PCDH9: variants seen among roughly 807,000 people sequenced by gnomAD.
PCDH9 encodes the protein protocadherin 9.
PCDH9 carries 24 observed loss-of-function variants against 70.6 expected under a neutral mutation model. The ratio of observed to expected loss-of-function variants is 0.34; its 90% CI spans 0.25 to 0.48. The LOEUF (loss-of-function observed/expected upper bound fraction) is 0.48. PCDH9 is among the 20% of genes least tolerant of loss of function. PCDH9 has a pLI of 0.99. For synonymous variants in PCDH9, 562 were observed against 558.5 expected, an observed-to-expected ratio of 1.01 and a Z score of -0.09; for missense variants, 1,281 against 1,503.6, an observed-to-expected ratio of 0.85 and a Z score of 2.45.
rs566526541 is a variant in PCDH9, at chr13:67,186,109, A to C, written c.3036+39296T>G. Among the ~76,000 whole-genome samples, 150 of 152,230 alleles carry C rather than the reference A, an allele frequency of 9.9e-4. 1 individual carries two copies. The highest frequency in any genetic ancestry group is 1.6e-3 in the Admixed American group (24 of 15,282). On this transcript the variant is annotated intron_variant, in intron 2 of 4. Coordinates refer to ENST00000377865, the MANE Select transcript of PCDH9 (RefSeq NM_203487.3). Reference sequence around the variant, plus strand: ...CTGGTGTAAAATATTTATATATATAAATATAAAGAGGTTACCAATCAATAT... The same window carrying C: ...CTGGTGTAAAATATTTATATATATACATATAAAGAGGTTACCAATCAATAT...
intron 2 of PCDH9, among the ~76,000 whole-genome samples, chr13:67,022,106 CTTTTTTTTTTTTTTTTTTTTTTTTTTTTT>C (rs71110623): frequency 5.7e-5 from 2 of 35,370 alleles, no homozygotes; most frequent in South Asian, 2.4e-3. Flanking sequence ...AGGTGATGTT[CTTTTTTTTTTTTTTTTTTTTTTTTTTTTT>C]TTTTTTTTTT....
chr13:67,160,623 A>G (rs1355236942), intron 2 of PCDH9, among the ~76,000 whole-genome samples: 1 of 152,128 alleles, frequency 6.6e-6, no homozygotes, highest in Admixed American at 6.5e-5. Context: ...CCATGATTCA[A>G]GACAACATGC....
chr13:66,443,112 C>T (rs996636484), intron 4 of PCDH9, among the ~76,000 whole-genome samples: 2 of 152,122 alleles, frequency 1.3e-5, no homozygotes, highest in Non-Finnish European at 2.9e-5. Context: ...CTAAAACAGA[C>T]AGAAAATGTA....
At chr13:66,619,856 A>G (rs952429130) in intron 4 of PCDH9, among the ~76,000 whole-genome samples, 1 of 152,052 alleles carries the variant, frequency 6.6e-6, no homozygotes, top group Non-Finnish European at 1.5e-5. Flanking sequence ...CCTGGCCTAA[A>G]TATAAGGTTG....
chr13:66,818,757 C>G (rs2080653658), intron 3 of PCDH9, among the ~76,000 whole-genome samples: 1 of 151,762 alleles, frequency 6.6e-6, no homozygotes, highest in Non-Finnish European at 1.5e-5. Flanking sequence ...ACGGTGAAAC[C>G]CCGTTTCTAC....
At chr13:67,188,694 C>G (rs868605141) in intron 2 of PCDH9, among the ~76,000 whole-genome samples, 25 of 152,206 alleles carry the variant, frequency 1.6e-4, no homozygotes, top group African/African-American at 5.8e-4. Context: ...TGCTTTCACT[C>G]TTATAATATC....
chr13:66,777,465 G>A (rs1047457043), intron 3 of PCDH9, among the ~76,000 whole-genome samples: 2 of 152,102 alleles, frequency 1.3e-5, no homozygotes, highest in African/African-American at 2.4e-5. Flanking sequence ...CAAAAAGTGG[G>A]CAAAGGACAT....
rs201300461 is a variant in PCDH9, at chr13:66,892,242, GTA to G, written c.3138+11260_3138+11261del. Among the ~76,000 whole-genome samples the G allele has an allele frequency of 9.1e-3, 1,319 of 145,036 alleles. 29 individuals are homozygous for G. Among genetic ancestry groups the G allele is most frequent in the African/African-American group, 0.032 (1,227 of 38,268 alleles). ...TAATATATATATATAATGTGTGTGT[GTA>G]TATATATATACACACACACGTAATG... On this transcript the variant is annotated intron_variant, in intron 3 of 4. Coordinates refer to ENST00000377865, the MANE Select transcript of PCDH9 (RefSeq NM_203487.3).
chr13:66,592,178 C>T (rs1289029065), intron 4 of PCDH9, among the ~76,000 whole-genome samples: 1 of 151,470 alleles, frequency 6.6e-6, no homozygotes, highest in Non-Finnish European at 1.5e-5. Context: ...TAAGAAAAGG[C>T]AAGGTTCAAT....
At chr13:66,561,333 G>A (rs1046256515) in intron 4 of PCDH9, among the ~76,000 whole-genome samples, 2 of 152,148 alleles carry the variant, frequency 1.3e-5, no homozygotes, top group African/African-American at 2.4e-5. Context: ...TGTGCCGCCC[G>A]AGCCTCCCGG....
chr13:66,668,755 C>T (rs2078131272), intron 3 of PCDH9, among the ~76,000 whole-genome samples: 1 of 152,112 alleles, frequency 6.6e-6, no homozygotes, highest in Non-Finnish European at 1.5e-5. Context: ...ATCTCTCTCT[C>T]ACTTCTTTGC....
chr13:66,316,541 G>A (rs572883759), intron 4 of PCDH9, among the ~76,000 whole-genome samples: 15 of 152,204 alleles, frequency 9.9e-5, no homozygotes, highest in Admixed American at 3.3e-4. Context: ...CCTTGAACAT[G>A]CTTAATGTAG....
chr13:66,454,007 T>C (rs1289158482), intron 4 of PCDH9, among the ~76,000 whole-genome samples: 1 of 152,112 alleles, frequency 6.6e-6, no homozygotes. Flanking sequence ...TACTTTTGAA[T>C]ATATACCTTG....
intron 4 of PCDH9, among the ~76,000 whole-genome samples, chr13:66,387,002 A>G (rs549898003): frequency 3.2e-4 from 49 of 152,304 alleles, no homozygotes; most frequent in South Asian, 1.0e-3. Context: ...CTGAGACACA[A>G]AAAAATCAAG....
intron 2 of PCDH9, among the ~76,000 whole-genome samples, chr13:67,191,692 C>G (rs2088918678): frequency 6.6e-6 from 1 of 152,114 alleles, no homozygotes; most frequent in Non-Finnish European, 1.5e-5. Flanking sequence ...TTATCACCCC[C>G]ACCTGGACTT....
rs142110267 is a variant in PCDH9 at position 67,196,931 on chromosome 13, T to C, written c.3036+28474A>G. Among the ~76,000 whole-genome samples the C allele has an allele frequency of 3.1e-3, 466 of 152,160 alleles. 1 individual carries two copies. Among genetic ancestry groups the C allele is most frequent in the African/African-American group, 0.011 (455 of 41,564 alleles). ...CATGGCTATAGGCAAAAAAGAAATG[T>C]ACTCTTTTTACTAGTTTATTTGTAA... On this transcript the variant is annotated intron_variant, in intron 2 of 4. Coordinates refer to ENST00000377865, the MANE Select transcript of PCDH9 (RefSeq NM_203487.3).
intron 4 of PCDH9, among the ~76,000 whole-genome samples, chr13:66,380,733 C>CG (rs1956833985): frequency 6.6e-6 from 1 of 151,830 alleles, no homozygotes; most frequent in African/African-American, 2.4e-5. Context: ...TTAGTGGAGA[C>CG]GGGGTTTCAC....
intron 2 of PCDH9, among the ~76,000 whole-genome samples, chr13:66,916,336 T>G (rs758926585): frequency 2.6e-5 from 4 of 151,602 alleles, no homozygotes; most frequent in Non-Finnish European, 5.9e-5. Flanking sequence ...TTTAGACCAC[T>G]AGCTTATTCA....
chr13:66,851,606 CA>C (rs1252804046), intron 3 of PCDH9, among the ~76,000 whole-genome samples: 9 of 151,386 alleles, frequency 5.9e-5, no homozygotes, highest in Non-Finnish European at 1.0e-4. Flanking sequence ...CACACACACA[CA>C]CTCATTTTAT....
Sources: allele counts gnomAD v4.1 joint callset (sites outside exome capture counted in the v4.1 genomes callset), GRCh38; gene constraint gnomAD v4.1.1; transcripts MANE v1.5; gene names NCBI Gene and HGNC (gene_info 2026-07-23, HGNC 2026-07-21).